The following STXBP5L variants were observed in gnomAD, a reference collection of about 807,000 sequenced individuals.
The protein encoded by STXBP5L is syntaxin binding protein 5L.
In STXBP5L, 65 loss-of-function variants were observed where a neutral mutation model predicts 144.5. The ratio of observed to expected loss-of-function variants is 0.45; its 90% CI spans 0.37 to 0.55. STXBP5L has a LOEUF of 0.55. Among genes scored for constraint, STXBP5L ranks in the 20% least tolerant of loss-of-function variants. The pLI is 0.00. For synonymous variants in STXBP5L, 505 were observed against 469.6 expected, an observed-to-expected ratio of 1.08 and a Z score of -0.97; for missense variants, 1,298 against 1,405.5, an observed-to-expected ratio of 0.92 and a Z score of 1.22.
chr3:120,924,659 C>T (rs909030522), intron 2 of STXBP5L: 6 of 152,052 alleles, frequency 3.9e-5, no homozygotes, highest in Admixed American at 2.6e-4. Flanking sequence ...GTTGGTAATC[C>T]ATTTGTTTAC....
intron 5 of STXBP5L, among the ~76,000 whole-genome samples, chr3:121,112,786 A>G (rs1015943942): frequency 7.9e-5 from 12 of 152,190 alleles, no homozygotes; most frequent in African/African-American, 2.4e-4. Flanking sequence ...TCCTTCATCT[A>G]TCAGGTAGTG....
At chr3:121,261,696 A>G (rs933059143) in intron 18 of STXBP5L, among the ~76,000 whole-genome samples, 6 of 152,230 alleles carry the variant, frequency 3.9e-5, no homozygotes. Flanking sequence ...AAAAACAAAA[A>G]CATCTGATAA....
chr3:121,091,376 C>T (rs1481481668), intron 5 of STXBP5L, among the ~76,000 whole-genome samples: 1 of 150,500 alleles, frequency 6.6e-6, no homozygotes, highest in South Asian at 2.1e-4. Context: ...AATGGTTGAA[C>T]TAGTTTACAG....
chr3:121,317,226 A>C (rs1230788054), intron 19 of STXBP5L, among the ~76,000 whole-genome samples: 1 of 152,216 alleles, frequency 6.6e-6, no homozygotes, highest in Admixed American at 6.5e-5. Flanking sequence ...GAAGTAAAAA[A>C]TAGAGCAAAC....
At chr3:121,378,503 A>C (rs1471684721) in intron 20 of STXBP5L, among the ~76,000 whole-genome samples, 1 of 152,232 alleles carries the variant, frequency 6.6e-6, no homozygotes, top group East Asian at 1.9e-4. Context: ...ATATAAAAAA[A>C]TGAATCTTAT....
At chr3:121,212,999 G>A (rs769549679) in intron 10 of STXBP5L, among the ~76,000 whole-genome samples, 3 of 152,142 alleles carry the variant, frequency 2.0e-5, no homozygotes, top group Non-Finnish European at 4.4e-5. Flanking sequence ...GTTCACTCAC[G>A]ATTTGGCTCT....
intron 22 of STXBP5L, among the ~76,000 whole-genome samples, chr3:121,404,571 CT>C (rs1056915507): frequency 1.3e-5 from 2 of 152,094 alleles, no homozygotes; most frequent in Admixed American, 6.6e-5. Flanking sequence ...CATGATGTGG[CT>C]CTACTTTATC....
intron 3 of STXBP5L, among the ~76,000 whole-genome samples, chr3:120,955,826 C>G (rs1576480725): frequency 6.6e-6 from 1 of 151,948 alleles, no homozygotes; most frequent in Admixed American, 6.6e-5. Flanking sequence ...CTAACAACCA[C>G]TAATTTGTTT....
intron 20 of STXBP5L, among the ~76,000 whole-genome samples, chr3:121,327,354 G>T (rs979072439): frequency 6.6e-6 from 1 of 152,118 alleles, no homozygotes; most frequent in African/African-American, 2.4e-5. Flanking sequence ...TGCTATAATT[G>T]AACATAAATT....
At chr3:120,993,675 T>TCCATATCATGGATATAAAA (rs1332891686) in intron 3 of STXBP5L, among the ~76,000 whole-genome samples, 2 of 151,716 alleles carry the variant, frequency 1.3e-5, no homozygotes, top group African/African-American at 4.8e-5. Flanking sequence ...TGTTTTTATA[T>TCCATATCATGGATATAAAA]CCATATCATG....
chr3:121,319,012 G>A (rs1026614111), intron 20 of STXBP5L, among the ~76,000 whole-genome samples: 3 of 151,978 alleles, frequency 2.0e-5, no homozygotes, highest in African/African-American at 7.3e-5. Context: ...AAAACATCAA[G>A]ACAAAGTGTG....
chr3:121,231,172 GC>G (rs2049297815), intron 11 of STXBP5L, among the ~76,000 whole-genome samples: 3 of 152,142 alleles, frequency 2.0e-5, no homozygotes, highest in East Asian at 1.9e-4. Flanking sequence ...GGCCATTTTG[GC>G]CAGCAGTGGG....
chr3:121,063,831 G>T (rs72968857), intron 5 of STXBP5L, among the ~76,000 whole-genome samples: 98 of 152,140 alleles, frequency 6.4e-4, no homozygotes, highest in African/African-American at 2.4e-3. Flanking sequence ...AATGGAGGAC[G>T]CCCCTCCCCC....
At chr3:121,340,962 T>C (rs1480502757) in intron 20 of STXBP5L, among the ~76,000 whole-genome samples, 1 of 152,046 alleles carries the variant, frequency 6.6e-6, no homozygotes, top group Non-Finnish European at 1.5e-5. Context: ...TATAAGATAT[T>C]ATTTGCAAGT....
rs181262784 is a variant in STXBP5L, at chr3:121,336,180, T to C, written c.2176+17640T>C. On this transcript the variant is annotated intron_variant, in intron 20 of 26. Coordinates refer to ENST00000471454, the MANE Select transcript of STXBP5L (RefSeq NM_001308330.2). ...ATGAAAAAAAGTTCAATATCAGTGG[T>C]TATTAGAGAAATGCAAATCAAAACC... Among the ~76,000 whole-genome samples, 74 of 152,278 alleles carry C rather than the reference T, an allele frequency of 4.9e-4. 1 individual carries two copies. The highest frequency in any genetic ancestry group is 1.8e-3 in the African/African-American group (73 of 41,550).
chr3:121,133,483 A>T (rs917439395), intron 7 of STXBP5L, among the ~76,000 whole-genome samples: 7 of 152,210 alleles, frequency 4.6e-5, no homozygotes, highest in African/African-American at 1.4e-4. Context: ...ATATATTCAC[A>T]TCCTAAAAGA....
chr3:120,973,935 C>G (rs1011148039), intron 3 of STXBP5L, among the ~76,000 whole-genome samples: 10 of 152,168 alleles, frequency 6.6e-5, no homozygotes, highest in Admixed American at 2.0e-4. Flanking sequence ...TTAATCCAGT[C>G]AATCATTGTT....
intron 3 of STXBP5L, among the ~76,000 whole-genome samples, chr3:120,972,721 T>C (rs373940599): frequency 3.5e-4 from 53 of 152,258 alleles, no homozygotes; most frequent in African/African-American, 1.2e-3. Flanking sequence ...ATACAGCTTT[T>C]ATAATTTTGA....
At chr3:121,092,900 C>T (rs1294579702) in intron 5 of STXBP5L, among the ~76,000 whole-genome samples, 2 of 152,134 alleles carry the variant, frequency 1.3e-5, no homozygotes, top group Non-Finnish European at 2.9e-5. Context: ...ATGATATTGG[C>T]TGTGGGTTTG....
Sources: gnomAD v4.1 joint callset for allele counts (sites outside exome capture counted in the v4.1 genomes callset) on GRCh38, gnomAD v4.1.1 for gene constraint, MANE v1.5 for transcripts, NCBI Gene and HGNC (gene_info 2026-07-23, HGNC 2026-07-21) for gene names.